Variants in FER observed in about 807,000 individuals in gnomAD.
The protein encoded by FER is FER tyrosine kinase.
In FER, 63 loss-of-function variants were observed where a neutral mutation model predicts 111.0. That is an observed-to-expected ratio of 0.57 (90% CI 0.46 to 0.70). The LOEUF (loss-of-function observed/expected upper bound fraction) is 0.70, where lower values mean the gene tolerates loss of function less well. FER is among the 30% of genes least tolerant of loss of function. FER has a pLI of 0.00. For synonymous variants in FER, 327 were observed against 313.9 expected (o/e 1.04, Z -0.44); for missense variants, 914 against 954.0 (o/e 0.96, Z 0.55).
chr5:109,010,939 T>G (rs935751845), intron 13 of FER, among the ~76,000 whole-genome samples: 3 of 152,170 alleles, frequency 2.0e-5, no homozygotes, highest in African/African-American at 7.2e-5. Context: ...TGAGTTTATT[T>G]TGAAAAAGTG....
At chr5:109,061,679 A>G (rs1223334218) in intron 16 of FER, among the ~76,000 whole-genome samples, 1 of 152,220 alleles carries the variant, frequency 6.6e-6, no homozygotes, top group East Asian at 1.9e-4. Context: ...AGATAAATAA[A>G]TAGCTCGTTT....
At chr5:109,074,645 G>A (rs1776121045) in intron 16 of FER, among the ~76,000 whole-genome samples, 1 of 152,184 alleles carries the variant, frequency 6.6e-6, no homozygotes, top group African/African-American at 2.4e-5. Flanking sequence ...AATTAAAGAG[G>A]GCGGTCAGGA....
At chr5:109,110,256 T>G (rs2150086910) in intron 17 of FER, among the ~76,000 whole-genome samples, 1 of 152,126 alleles carries the variant, frequency 6.6e-6, no homozygotes, top group East Asian at 1.9e-4. Flanking sequence ...AATAATCAAA[T>G]ATAAAATAGT....
intron 11 of FER, among the ~76,000 whole-genome samples, chr5:108,954,476 C>T (rs769331167): frequency 1.1e-4 from 16 of 151,962 alleles, no homozygotes; most frequent in Non-Finnish European, 2.2e-4. Flanking sequence ...ATAAGATTAT[C>T]AGTGCTAACT....
chr5:108,942,481 A>G (rs1756409260), intron 10 of FER, among the ~76,000 whole-genome samples: 2 of 152,150 alleles, frequency 1.3e-5, no homozygotes, highest in Admixed American at 6.6e-5. Flanking sequence ...GCAAGCATCA[A>G]AGAGAAAAGA....
intron 17 of FER, among the ~76,000 whole-genome samples, chr5:109,110,456 C>T (rs1410196073): frequency 6.6e-6 from 1 of 151,898 alleles, no homozygotes; most frequent in African/African-American, 2.4e-5. Flanking sequence ...GAGACAGGGG[C>T]ATGCTAGGTG....
At chr5:109,042,409 G>A (rs1003070251) in intron 14 of FER, among the ~76,000 whole-genome samples, 6 of 152,112 alleles carry the variant, frequency 3.9e-5, no homozygotes, top group African/African-American at 1.4e-4. Context: ...GTTGAATGAT[G>A]ATTGAATGAT....
At position 108,904,322 on chromosome 5, in the gene FER, A is replaced by G. The variant is rs1272892657; in HGVS notation, c.1236+6474A>G. 2.6e-5 allele frequency among the ~76,000 whole-genome samples: 4 copies of G among 152,174 alleles called. No individual in the cohort carries two copies. The South Asian group carries it at 6.2e-4, about 24-fold the overall frequency. On this transcript the variant is annotated intron_variant, in intron 10 of 19. Coordinates refer to ENST00000281092, the MANE Select transcript of FER (RefSeq NM_005246.4). ...GCAATGAGTGCTGGGAGTTATTTTT[A>G]TACATAGTGTGGTTAAGGAAGGATT...
intron 9 of FER, chr5:108,894,250 C>G (rs924017550): frequency 5.3e-6 from 2 of 379,564 alleles, no homozygotes; most frequent in Non-Finnish European, 8.5e-6. Context: ...AGTAAACAAA[C>G]AAACAAAACC....
At chr5:109,047,068 A>T in intron 15 of FER, 36 bp from the exon 16 acceptor site, 1 of 1,094,150 alleles carries the variant, frequency 9.1e-7, no homozygotes, top group Non-Finnish European at 1.4e-6. Context: ...TTTATTATTC[A>T]AATGATAACT....
intron 13 of FER, among the ~76,000 whole-genome samples, chr5:109,019,418 T>A (rs1424288627): frequency 6.6e-6 from 1 of 151,726 alleles, no homozygotes; most frequent in East Asian, 1.9e-4. Flanking sequence ...ATTGTTAGTA[T>A]TGTCAAAGTG....
intron 2 of FER, chr5:108,785,646 C>A: frequency 2.9e-6 from 1 of 346,538 alleles, no homozygotes; most frequent in Non-Finnish European, 5.6e-6. Flanking sequence ...GAGAGTGTTT[C>A]CCCTGGCTGT....
At chr5:108,909,595 T>C (rs1751270579) in intron 10 of FER, among the ~76,000 whole-genome samples, 1 of 152,114 alleles carries the variant, frequency 6.6e-6, no homozygotes, top group South Asian at 2.1e-4. Flanking sequence ...GTAAGAAGAA[T>C]ATAAACAAAT....
rs1758812287 is a variant in FER, at chr5:109,185,958, T to G, written c.2204-242T>G. Among the ~76,000 whole-genome samples, 4 of 152,186 alleles carry G rather than the reference T, an allele frequency of 2.6e-5. No individual in the cohort carries two copies. In the South Asian group the frequency reaches 8.3e-4, roughly 31 times the overall value. On this transcript the variant is annotated intron_variant, in intron 18 of 19. Transcript: ENST00000281092. ...CAGGTCATTTTAACACAATGGTAAG[T>G]TTTTGTGTATCTAGACATAGAAAAG...
At chr5:109,113,883 T>C (rs1259336297) in intron 17 of FER, among the ~76,000 whole-genome samples, 5 of 152,122 alleles carry the variant, frequency 3.3e-5, no homozygotes, top group African/African-American at 1.2e-4. Context: ...GAAAACATTA[T>C]CTAATGTTAA....
rs565381007 is a variant in FER at position 108,757,469 on chromosome 5, C to T, written c.-206+9469C>T. Among the ~76,000 whole-genome samples, 30 of 152,256 alleles carry T rather than the reference C, an allele frequency of 2.0e-4. No homozygotes were observed. In the South Asian group the frequency reaches 6.2e-3, roughly 32 times the overall value. On this transcript the variant is annotated intron_variant, in intron 1 of 19. Coordinates refer to ENST00000281092, the MANE Select transcript of FER (RefSeq NM_005246.4). ...TGGTGGATCTTAGCTAGAAAACAGA[C>T]ATTTTTGAATAAATTTAACAATGGA...
At chr5:109,133,111 T>C (rs575721817) in intron 17 of FER, among the ~76,000 whole-genome samples, 1 of 152,276 alleles carries the variant, frequency 6.6e-6, no homozygotes, top group African/African-American at 2.4e-5. Flanking sequence ...GGAAAGTAAA[T>C]GTTAGTATGT....
chr5:109,088,843 A>C (rs1777847239), intron 16 of FER, among the ~76,000 whole-genome samples: 1 of 152,146 alleles, frequency 6.6e-6, no homozygotes, highest in African/African-American at 2.4e-5. Flanking sequence ...AGATGGATGA[A>C]GTTATCAAGA....
At chr5:109,145,585 T>A (rs537895421) in intron 17 of FER, among the ~76,000 whole-genome samples, 8 of 152,028 alleles carry the variant, frequency 5.3e-5, no homozygotes, top group Non-Finnish European at 1.2e-4. Flanking sequence ...AAGCAGTATC[T>A]TTGGATGGAG....
Sources: allele counts gnomAD v4.1 joint callset (sites outside exome capture counted in the v4.1 genomes callset), GRCh38; gene constraint gnomAD v4.1.1; transcripts MANE v1.5; gene names NCBI Gene and HGNC (gene_info 2026-07-23, HGNC 2026-07-21).